The following NAV3 variants were observed in gnomAD, a reference collection of about 807,000 sequenced individuals.
NAV3 encodes the protein pore membrane and/or filament interacting like protein 1.
In NAV3, 87 loss-of-function variants were observed where a neutral mutation model predicts 244.7. The observed-to-expected ratio is 0.36, with a 90% confidence interval of 0.30 to 0.42. The LOEUF (loss-of-function observed/expected upper bound fraction) is 0.42. NAV3 is among the 20% of genes least tolerant of loss of function. NAV3 has a pLI of 1.00. For missense variants in NAV3, 2,663 were observed against 2,893.3 expected (o/e 0.92, Z 1.83); for synonymous variants, 1,126 against 1,042.2 (o/e 1.08, Z -1.55).
chr12:78,045,245 A>G (rs1881573037), intron 9 of NAV3, among the ~76,000 whole-genome samples: 1 of 152,084 alleles, frequency 6.6e-6, no homozygotes, highest in South Asian at 2.1e-4. Flanking sequence ...TGATTTGCAT[A>G]TGTTGAACCA....
In NAV3 at chr12:77,702,518, G is replaced by C. The variant is rs74106512; in HGVS notation, c.72+130252G>C. On this transcript the variant is annotated intron_variant, in intron 2 of 8. Transcript: ENST00000550042. ...TTTGTATTTGTCTTGTGTATTTTTT[G>C]TGCGTCTTTTCTTTCCTGCTTTCTT... Among the ~76,000 whole-genome samples the C allele has an allele frequency of 1.1e-3, 164 of 151,874 alleles. 1 individual carries two copies. Among genetic ancestry groups the C allele is most frequent in the African/African-American group, 3.5e-3 (146 of 41,490 alleles).
At chr12:78,155,770 G>T (rs1473660864) in intron 22 of NAV3, among the ~76,000 whole-genome samples, 3 of 151,710 alleles carry the variant, frequency 2.0e-5, no homozygotes, top group Non-Finnish European at 4.4e-5. Context: ...ATGTTTGTTG[G>T]CTGCATGACT....
intron 2 of NAV3, among the ~76,000 whole-genome samples, chr12:77,620,731 G>A (rs966507804): frequency 7.2e-5 from 11 of 152,044 alleles, no homozygotes; most frequent in Non-Finnish European, 1.3e-4. Flanking sequence ...CAAAGTGCTG[G>A]GATTGCAGGC....
chr12:78,140,565 A>G (rs1482840706), intron 20 of NAV3, among the ~76,000 whole-genome samples: 5 of 152,126 alleles, frequency 3.3e-5, no homozygotes, highest in Non-Finnish European at 2.9e-5. Flanking sequence ...CACTCATCAT[A>G]ATCAATGAGT....
intron 7 of NAV3, among the ~76,000 whole-genome samples, chr12:78,003,119 T>A (rs1731716): frequency 6.8e-6 from 1 of 147,310 alleles, no homozygotes; most frequent in Non-Finnish European, 1.5e-5. Context: ...CCATGTTTCT[T>A]TTGAGTCACT....
intron 8 of NAV3, among the ~76,000 whole-genome samples, chr12:78,016,643 T>A (rs538857505): frequency 6.6e-6 from 1 of 152,286 alleles, no homozygotes; most frequent in East Asian, 1.9e-4. Flanking sequence ...TCCTTTTTGT[T>A]GGGGTTATAA....
intron 1 of NAV3, among the ~76,000 whole-genome samples, chr12:77,893,572 ACTC>A (rs1884210464): frequency 6.6e-6 from 1 of 151,686 alleles, no homozygotes; most frequent in South Asian, 2.1e-4. Context: ...TAATGAAAAA[ACTC>A]AGATAGCCAA....
At chr12:77,699,529 T>C (rs2137196385) in intron 2 of NAV3, among the ~76,000 whole-genome samples, 1 of 152,240 alleles carries the variant, frequency 6.6e-6, no homozygotes, top group East Asian at 1.9e-4. Flanking sequence ...CTGAAAAGAC[T>C]TGAAAGGCAG....
intron 1 of NAV3, among the ~76,000 whole-genome samples, chr12:77,900,186 C>T (rs962474973): frequency 1.1e-4 from 17 of 151,700 alleles, no homozygotes; most frequent in African/African-American, 2.4e-5. Context: ...ACGCCATTCT[C>T]CTGCCTCAGC....
At chr12:77,606,086 G>GA (rs1303607168) in intron 2 of NAV3, among the ~76,000 whole-genome samples, 2 of 152,120 alleles carry the variant, frequency 1.3e-5, no homozygotes, top group African/African-American at 4.8e-5. Context: ...GATACCGTCT[G>GA]AAAAACCTCA....
chr12:78,096,812 G>A (rs1461569405), intron 12 of NAV3, among the ~76,000 whole-genome samples: 4 of 152,080 alleles, frequency 2.6e-5, no homozygotes, highest in Admixed American at 6.6e-5. Context: ...TTGTTACTGG[G>A]TACCATATCC....
chr12:78,070,327 C>T (rs1952692728), intron 12 of NAV3, among the ~76,000 whole-genome samples: 1 of 151,534 alleles, frequency 6.6e-6, no homozygotes, highest in Admixed American at 6.6e-5. Flanking sequence ...GCATGCAATG[C>T]ACAAGAGACT....
chr12:77,701,268 T>C (rs1053921800), intron 2 of NAV3, among the ~76,000 whole-genome samples: 1 of 151,960 alleles, frequency 6.6e-6, no homozygotes. Flanking sequence ...TATTGTATTA[T>C]CATTTTGGTA....
chr12:77,943,231 C>A (rs530895341), intron 3 of NAV3, among the ~76,000 whole-genome samples: 56 of 152,182 alleles, frequency 3.7e-4, no homozygotes, highest in African/African-American at 1.3e-3. Context: ...CTGTTAACTG[C>A]AAAATATCAT....
At chr12:78,138,186 T>C (rs1339656453) in intron 19 of NAV3, among the ~76,000 whole-genome samples, 1 of 152,148 alleles carries the variant, frequency 6.6e-6, no homozygotes, top group African/African-American at 2.4e-5. Context: ...TAATTATGTT[T>C]AAAAGAAAAG....
At chr12:77,749,882 G>A (rs1413000289) in intron 2 of NAV3, among the ~76,000 whole-genome samples, 1 of 152,190 alleles carries the variant, frequency 6.6e-6, no homozygotes, top group African/African-American at 2.4e-5. Context: ...CAATGTAACA[G>A]ATGCTAGAGT....
At position 78,008,114 on chromosome 12, in the gene NAV3, C is replaced by G. The variant is rs77076583; in HGVS notation, c.1907+669C>G. Among the ~76,000 whole-genome samples the G allele has an allele frequency of 6.0e-3, 919 of 152,128 alleles. 31 individuals are homozygous for G. The East Asian group carries it at 0.096, about 16-fold the overall frequency. On this transcript the variant is annotated intron_variant, in intron 8 of 39. Coordinates refer to ENST00000397909, the MANE Select transcript of NAV3 (RefSeq NM_001024383.2). ...AATGTTATTTATAAGATATTACTTTCTCAGTGTAAATTTTATATTAATTTC... is the reference window on the plus strand; with the variant it reads ...AATGTTATTTATAAGATATTACTTTGTCAGTGTAAATTTTATATTAATTTC...
chr12:78,158,159 T>C (rs1340418511), intron 22 of NAV3, among the ~76,000 whole-genome samples: 1 of 152,206 alleles, frequency 6.6e-6, no homozygotes, highest in Non-Finnish European at 1.5e-5. Context: ...TAAGTCATCT[T>C]ATTCATGTCT....
At chr12:78,125,300 T>C (rs1167572010) in intron 16 of NAV3, among the ~76,000 whole-genome samples, 1 of 152,238 alleles carries the variant, frequency 6.6e-6, no homozygotes, top group Non-Finnish European at 1.5e-5. Flanking sequence ...TTAGATGATT[T>C]TTTGATACTC....
Sources: allele counts gnomAD v4.1 joint callset (sites outside exome capture counted in the v4.1 genomes callset), GRCh38; gene constraint gnomAD v4.1.1; transcripts MANE v1.5; gene names NCBI Gene and HGNC (gene_info 2026-07-23, HGNC 2026-07-21).